Variants in CAPN7 observed in about 807,000 individuals in gnomAD.
CAPN7 encodes the protein calpain 7.
In CAPN7, 72 loss-of-function variants were observed where a neutral mutation model predicts 115.2. The observed-to-expected ratio is 0.63, with a 90% CI of 0.52 to 0.76. The LOEUF (loss-of-function observed/expected upper bound fraction) is 0.76, where lower values mean the gene tolerates loss of function less well. Ranked by LOEUF, CAPN7 falls within the 30% of genes least tolerant of loss-of-function variation. The pLI is 0.00. For synonymous variants in CAPN7, 344 were observed against 322.3 expected (o/e 1.07, Z -0.72); for missense variants, 905 against 971.5 (o/e 0.93, Z 0.91).
rs1026296155 is a variant in CAPN7, at chr3:15,206,298, C to T, written c.-198C>T. ...CGGCCGGGTGGGCTACAAGCCGGGT[C>T]TGGGCTGAGGGGCGCGGCTTCGCGG... is the stretch of plus-strand genomic sequence containing the variant. On this transcript the variant is annotated 5_prime_UTR_variant, in exon 1 of 21. Transcript: ENST00000253693. 4 of 504,284 alleles carry T rather than the reference C, an allele frequency of 7.9e-6. No individual in the cohort carries two copies. The highest frequency in any genetic ancestry group is 1.4e-5 in the Non-Finnish European group (4 of 287,444). The allele number at this position is 504,284 out of a possible 1,614,324, so 31.2% of individuals were successfully genotyped here.
intron 8 of CAPN7, among the ~76,000 whole-genome samples, chr3:15,229,553 C>CTTTTTTTCTT (rs1340860039): frequency 2.3e-5 from 2 of 88,306 alleles, no homozygotes; most frequent in Admixed American, 2.4e-4. Flanking sequence ...ATTGGTTTTA[C>CTTTTTTTCTT]TTTTTTTCTT....
rs1372412723 is a variant in CAPN7, at chr3:15,206,494, C to G, written c.-2C>G. 2 of 1,545,696 alleles carry G rather than the reference C, an allele frequency of 1.3e-6. No homozygotes were observed. The highest frequency in any genetic ancestry group is 1.7e-6 in the Non-Finnish European group (2 of 1,145,490). ...CCTGCCCCGGCGCGGGGCCACTGCG[C>G]CATGGACGCCACAGCACTGGAGCGG... On this transcript the variant is annotated 5_prime_UTR_variant, in exon 1 of 21. Transcript: ENST00000253693.
At chr3:15,248,441 G>C (rs1373055947) in intron 19 of CAPN7, among the ~76,000 whole-genome samples, 2 of 152,150 alleles carry the variant, frequency 1.3e-5, no homozygotes, top group Admixed American at 6.5e-5. Flanking sequence ...GTCAAGAACA[G>C]ACAAAACTGA....
intron 12 of CAPN7, among the ~76,000 whole-genome samples, chr3:15,239,779 A>T (rs1236554635): frequency 6.6e-6 from 1 of 152,190 alleles, no homozygotes; most frequent in South Asian, 2.1e-4. Flanking sequence ...TAAATGACCC[A>T]CCCAAAGAAC....
rs1015714807 is a variant in CAPN7 at position 15,208,997 on chromosome 3, T to A, written c.102+2400T>A. On this transcript the variant is annotated intron_variant, in intron 1 of 20. Transcript: ENST00000253693. ...TGTTTCAGATTAATATTTTGTTGCT[T>A]TCATTTTATAATCTTTTTTCCTTTT... 2.0e-5 allele frequency among the ~76,000 whole-genome samples: 3 copies of A among 152,292 alleles called. No homozygotes were observed. The East Asian group carries it at 5.8e-4, about 29-fold the overall frequency.
In CAPN7 at chr3:15,219,363, C is replaced by A. The variant is rs150693061; in HGVS notation, c.437+823C>A. The stretch of plus-strand genomic sequence containing the variant: ...GAATTATCTCCTTTTGAGGCTCTGA[C>A]CTGATAGATAACTGTACCACCCCAA... On this transcript the variant is annotated intron_variant, in intron 4 of 20. Coordinates refer to ENST00000253693, the MANE Select transcript of CAPN7 (RefSeq NM_014296.3). Among the ~76,000 whole-genome samples the A allele has an allele frequency of 7.2e-3, 1,099 of 152,258 alleles. 12 individuals carry two copies. The highest frequency in any genetic ancestry group is 0.023 in the African/African-American group (967 of 41,514).
chr3:15,210,867 T>G, intron 1 of CAPN7: 1 of 1,289,458 alleles, frequency 7.8e-7, no homozygotes, highest in Admixed American at 2.3e-5. Flanking sequence ...GATGGCATCT[T>G]TGGAAACAGG....
At chr3:15,229,183 G>A (rs1166162935) in intron 8 of CAPN7, 124 bp downstream of exon 8, 3 of 643,960 alleles carry the variant, frequency 4.7e-6, no homozygotes, top group Non-Finnish European at 5.5e-6. Flanking sequence ...CCCTTCTGTA[G>A]AAATTAAGCA....
chr3:15,225,612 CTTGTCACAGTTGGAATTTTTCTTT>C (rs1453022931), intron 6 of CAPN7, among the ~76,000 whole-genome samples: 4 of 152,170 alleles, frequency 2.6e-5, no homozygotes, highest in Non-Finnish European at 4.4e-5. Flanking sequence ...AGGCATAGCA[CTTGTCACAGTTGGAATTTTTCTTT>C]TTTTTCTCTT....
chr3:15,211,661 G>A (rs1441820719), intron 1 of CAPN7, among the ~76,000 whole-genome samples: 3 of 151,918 alleles, frequency 2.0e-5, no homozygotes, highest in Non-Finnish European at 2.9e-5. Context: ...TTGGGAGGCC[G>A]AGGTGGGCAG....
chr3:15,225,149 A>G lies in CAPN7; in HGVS notation c.725+1588A>G, dbSNP rs1020331535. ...ATGGTGCTGTTATATAGCAAGCACT[A>G]TATAATAAAGGTTACCTGCTAGAAA... On this transcript the variant is annotated intron_variant, in intron 6 of 20. Coordinates refer to ENST00000253693, the MANE Select transcript of CAPN7 (RefSeq NM_014296.3). Among the ~76,000 whole-genome samples the G allele has an allele frequency of 7.9e-5, 12 of 152,340 alleles. 1 individual carries two copies. The South Asian group carries it at 1.0e-3, about 13-fold the overall frequency.
chr3:15,241,267 C>T (rs377665235), intron 14 of CAPN7, among the ~76,000 whole-genome samples, 186 bp from the exon 15 acceptor site: 5 of 152,094 alleles, frequency 3.3e-5, no homozygotes, highest in South Asian at 2.1e-4. Flanking sequence ...CTTTTTGTCA[C>T]GCCCACAGTG....
chr3:15,223,620 G>A, intron 6 of CAPN7, 59 bp downstream of exon 6: 1 of 988,994 alleles, frequency 1.0e-6, no homozygotes, highest in Non-Finnish European at 1.5e-6. Context: ...GTACTCTGAA[G>A]TTCAATTTAA....
rs1693710633 is a variant in CAPN7, at chr3:15,217,574, C to T, written c.361C>T (p.Leu121=). 6.2e-7 allele frequency: 1 copy of T among 1,611,600 alleles called. No homozygotes were observed. Among genetic ancestry groups the T allele is most frequent in the African/African-American group, 1.3e-5 (1 of 74,912 alleles). Residue 121 remains leucine, a synonymous_variant, in exon 3 of 21, where the codon CTG becomes TTG. Transcript: ENST00000253693. The stretch of plus-strand genomic sequence containing the variant: ...GTACACAGAAGCTGTGGATCTCTGT[C>T]TGAAAACAGTGTGTATAGCTACAAA... ...ELYTEAVDLC[L]KTSYETADKV...
At chr3:15,208,872 G>A (rs2044778004) in intron 1 of CAPN7, among the ~76,000 whole-genome samples, 1 of 152,128 alleles carries the variant, frequency 6.6e-6, no homozygotes, top group Non-Finnish European at 1.5e-5. Context: ...CCTCATGATA[G>A]TGTCACCTTT....
intron 15 of CAPN7, 97 bp from the exon 16 acceptor site, chr3:15,242,080 TG>T: frequency 1.3e-6 from 1 of 744,006 alleles, no homozygotes; most frequent in Non-Finnish European, 2.2e-6. Flanking sequence ...AGATTTTTTG[TG>T]GAGAGATTTA....
In CAPN7 at chr3:15,251,913, A is replaced by G. The variant is rs1696020736; in HGVS notation, c.*653A>G. 1 of 152,230 alleles carries G rather than the reference A, an allele frequency of 6.6e-6. No individual in the cohort carries two copies. Among genetic ancestry groups the G allele is most frequent in the Admixed American group, 6.5e-5 (1 of 15,282 alleles). The allele number at this position is 152,230 out of a possible 1,614,324, so 9.4% of individuals were successfully genotyped here. A position where few individuals can be genotyped will look rare whatever the true frequency, so the allele number is the denominator to read the frequency against. ...TGTTGAGGTTATCTCCCATTCAATC[A>G]TGTAGCAAGAACTTAAAGAAATTCA... On this transcript the variant is annotated 3_prime_UTR_variant, in exon 21 of 21. Coordinates refer to ENST00000253693, the MANE Select transcript of CAPN7 (RefSeq NM_014296.3).
chr3:15,228,394 A>G (rs1037575635), intron 7 of CAPN7, among the ~76,000 whole-genome samples: 20 of 152,228 alleles, frequency 1.3e-4, no homozygotes, highest in African/African-American at 4.8e-4. Context: ...TTCCTATTCA[A>G]ATAATAACCA....
At chr3:15,210,130 A>G (rs1302246339) in intron 1 of CAPN7, among the ~76,000 whole-genome samples, 1 of 151,808 alleles carries the variant, frequency 6.6e-6, no homozygotes, top group Non-Finnish European at 1.5e-5. Flanking sequence ...CCTCCTGAGT[A>G]GCTGGGACTA....
Sources: gnomAD v4.1 joint callset for allele counts (sites outside exome capture counted in the v4.1 genomes callset) on GRCh38, gnomAD v4.1.1 for gene constraint, MANE v1.5 for transcripts, NCBI Gene and HGNC (gene_info 2026-07-23, HGNC 2026-07-21) for gene names.